Variants in SPATA16 observed in about 807,000 individuals in gnomAD.
The protein encoded by SPATA16 is spermatogenesis associated 16.
SPATA16 carries 36 observed loss-of-function variants against 63.3 expected under a neutral mutation model. That is an observed-to-expected ratio of 0.57 (90% CI 0.44 to 0.75). The LOEUF is 0.75. Ranked by LOEUF, SPATA16 falls within the 30% of genes least tolerant of loss-of-function variation. SPATA16 has a pLI of 0.00. For synonymous variants in SPATA16, 203 were observed against 216.7 expected (o/e 0.94, Z 0.56); for missense variants, 646 against 679.3 (o/e 0.95, Z 0.54).
In SPATA16 at chr3:173,062,918, G is replaced by A. The variant is rs374799951; in HGVS notation, c.613-13824C>T. ...CACAATAGGGTTTGTACTCCTATGA[G>A]ACTCTAATGCCCCCGCTGATCTGAC... On this transcript the variant is annotated intron_variant, in intron 2 of 10. Coordinates refer to ENST00000351008, the MANE Select transcript of SPATA16 (RefSeq NM_031955.6). 7.0e-4 allele frequency among the ~76,000 whole-genome samples: 107 copies of A among 152,310 alleles called. 5 individuals carry two copies. The South Asian group carries it at 0.022, about 31-fold the overall frequency.
intron 3 of SPATA16, among the ~76,000 whole-genome samples, chr3:173,025,868 T>A (rs926694699): frequency 6.6e-6 from 1 of 152,040 alleles, no homozygotes; most frequent in Admixed American, 6.6e-5. Context: ...ACTCTGTTGT[T>A]TCTGTTGCTG....
intron 2 of SPATA16, among the ~76,000 whole-genome samples, chr3:173,053,308 C>T (rs1388559107): frequency 6.6e-6 from 1 of 152,046 alleles, no homozygotes; most frequent in African/African-American, 2.4e-5. Flanking sequence ...ACCCAGGAAG[C>T]AGAGTTTGCA....
intron 2 of SPATA16, among the ~76,000 whole-genome samples, chr3:173,107,752 G>A (rs1272173897): frequency 6.6e-6 from 1 of 152,126 alleles, no homozygotes; most frequent in Non-Finnish European, 1.5e-5. Flanking sequence ...GTATGTGTAG[G>A]AAGGCTGGAA....
intron 3 of SPATA16, among the ~76,000 whole-genome samples, chr3:173,041,843 A>T (rs886659487): frequency 4.6e-5 from 7 of 152,000 alleles, no homozygotes; most frequent in Non-Finnish European, 1.0e-4. Flanking sequence ...TAGGAGATAT[A>T]CCTAATGTTA....
chr3:173,016,798 G>A (rs530668711), intron 4 of SPATA16, among the ~76,000 whole-genome samples: 19 of 152,226 alleles, frequency 1.2e-4, no homozygotes, highest in Admixed American at 3.3e-4. Flanking sequence ...GGAATCACCC[G>A]AGGTCAGGAG....
chr3:173,094,747 A>G (rs564109504), intron 2 of SPATA16, among the ~76,000 whole-genome samples: 1 of 147,510 alleles, frequency 6.8e-6, no homozygotes, highest in Admixed American at 6.9e-5. Context: ...GGGAGGGGTA[A>G]TGGAGACGGA....
chr3:173,121,292 T>C (rs1252481803), intron 1 of SPATA16, among the ~76,000 whole-genome samples: 1 of 152,110 alleles, frequency 6.6e-6, no homozygotes, highest in Non-Finnish European at 1.5e-5. Flanking sequence ...TATAAAACTC[T>C]ATTTAAATAA....
intron 6 of SPATA16, among the ~76,000 whole-genome samples, chr3:172,943,684 G>T (rs1279747153): frequency 6.6e-6 from 1 of 152,172 alleles, no homozygotes; most frequent in Non-Finnish European, 1.5e-5. Flanking sequence ...AGGTTGCAGT[G>T]AGCCAAGATT....
chr3:173,011,721 G>A (rs1045284155), intron 4 of SPATA16, among the ~76,000 whole-genome samples: 2 of 152,278 alleles, frequency 1.3e-5, no homozygotes, highest in Non-Finnish European at 2.9e-5. Flanking sequence ...AAAGCTCCTA[G>A]AACTGATAAA....
intron 6 of SPATA16, among the ~76,000 whole-genome samples, chr3:172,944,636 A>G: frequency 6.6e-6 from 1 of 152,392 alleles, no homozygotes; most frequent in East Asian, 1.9e-4. Flanking sequence ...ATATACACAT[A>G]CAATGGAATA....
At chr3:172,943,189 T>G (rs545014968) in intron 6 of SPATA16, among the ~76,000 whole-genome samples, 1 of 152,056 alleles carries the variant, frequency 6.6e-6, no homozygotes, top group South Asian at 2.1e-4. Context: ...GAGTTAAACG[T>G]AAGAAAAAGG....
At chr3:172,979,644 G>C (rs925867108) in intron 4 of SPATA16, among the ~76,000 whole-genome samples, 1 of 152,050 alleles carries the variant, frequency 6.6e-6, no homozygotes, top group African/African-American at 2.4e-5. Context: ...TTAATGTTAT[G>C]CCAAAGTTGC....
At chr3:173,058,680 A>G (rs1168604631) in intron 2 of SPATA16, among the ~76,000 whole-genome samples, 3 of 152,068 alleles carry the variant, frequency 2.0e-5, no homozygotes, top group Non-Finnish European at 4.4e-5. Flanking sequence ...GGCCATGGGT[A>G]TGGGTATACT....
chr3:173,084,786 C>G (rs2108315413), intron 2 of SPATA16, among the ~76,000 whole-genome samples: 1 of 152,198 alleles, frequency 6.6e-6, no homozygotes, highest in South Asian at 2.1e-4. Flanking sequence ...ATCCTTTCCC[C>G]ATTGCTTGTT....
intron 1 of SPATA16, among the ~76,000 whole-genome samples, chr3:173,118,679 G>A (rs1737975525): frequency 6.6e-6 from 1 of 152,122 alleles, no homozygotes; most frequent in Admixed American, 6.6e-5. Flanking sequence ...AGAAACTAAG[G>A]GATAGAGGGA....
chr3:172,995,349 A>G (rs946021523), intron 4 of SPATA16, among the ~76,000 whole-genome samples: 3 of 152,036 alleles, frequency 2.0e-5, no homozygotes, highest in Non-Finnish European at 2.9e-5. Context: ...CAAAGGCTAG[A>G]TGTCTTCTTG....
intron 3 of SPATA16, among the ~76,000 whole-genome samples, chr3:173,043,754 C>T (rs1735899748): frequency 6.6e-6 from 1 of 152,134 alleles, no homozygotes; most frequent in East Asian, 1.9e-4. Flanking sequence ...CCATTTCCTA[C>T]AAGTTTCAAT....
At chr3:173,077,963 C>T (rs1736844549) in intron 2 of SPATA16, among the ~76,000 whole-genome samples, 1 of 151,888 alleles carries the variant, frequency 6.6e-6, no homozygotes, top group South Asian at 2.1e-4. Flanking sequence ...GGAAGAAAAC[C>T]CATGAGGAAA....
chr3:172,912,370 C>T (rs1732387862), intron 10 of SPATA16, among the ~76,000 whole-genome samples: 1 of 152,148 alleles, frequency 6.6e-6, no homozygotes, highest in Admixed American at 6.5e-5. Context: ...TCTTGCTGAG[C>T]ACAATATTTC....
Sources: allele counts gnomAD v4.1 joint callset (sites outside exome capture counted in the v4.1 genomes callset), GRCh38; gene constraint gnomAD v4.1.1; transcripts MANE v1.5; gene names NCBI Gene and HGNC (gene_info 2026-07-23, HGNC 2026-07-21).